NEK6: variants seen among roughly 807,000 people sequenced by gnomAD.
NEK6 encodes NIMA related kinase 6.
NEK6 carries 27 observed loss-of-function variants against 43.5 expected under a neutral mutation model. The ratio of observed to expected loss-of-function variants is 0.62; its 90% CI spans 0.46 to 0.86. NEK6 has a LOEUF of 0.86. Ranked by LOEUF, NEK6 falls within the 40% of genes least tolerant of loss-of-function variation. NEK6 has a pLI of 0.00. For synonymous variants in NEK6, 167 were observed against 164.1 expected, an observed-to-expected ratio of 1.02 and a Z score of -0.14; for missense variants, 318 against 414.4, an observed-to-expected ratio of 0.77 and a Z score of 2.02.
chr9:124,298,355 G>T (rs1400820073), intron 1 of NEK6, among the ~76,000 whole-genome samples: 1 of 152,130 alleles, frequency 6.6e-6, no homozygotes, highest in Non-Finnish European at 1.5e-5. Flanking sequence ...CTCCCTGGAG[G>T]CTAACGGTGC....
chr9:124,285,287 G>A (rs554138228), intron 1 of NEK6, among the ~76,000 whole-genome samples: 1 of 152,302 alleles, frequency 6.6e-6, no homozygotes, highest in South Asian at 2.1e-4. Flanking sequence ...CGCGTTGGTA[G>A]CACCGTTTCC....
chr9:124,297,710 C>CCAAG (rs1220961125), intron 1 of NEK6, among the ~76,000 whole-genome samples: 1 of 152,242 alleles, frequency 6.6e-6, no homozygotes, highest in East Asian at 1.9e-4. Context: ...CTGACTTGGG[C>CCAAG]TTGGCAGCTA....
chr9:124,348,245 G>A (rs748515605), intron 9 of NEK6, among the ~76,000 whole-genome samples: 9 of 152,178 alleles, frequency 5.9e-5, no homozygotes, highest in Non-Finnish European at 7.3e-5. Context: ...AGGAAACTAC[G>A]GCAGGAGGAC....
At chr9:124,265,944 C>T (rs1298863822) in intron 1 of NEK6, 1 of 152,258 alleles carries the variant, frequency 6.6e-6, no homozygotes, top group Non-Finnish European at 1.5e-5. Flanking sequence ...CTGGTGGGGA[C>T]AGAGGCTGTC....
chr9:124,276,508 G>A (rs78138995), intron 1 of NEK6, among the ~76,000 whole-genome samples: 3,466 of 152,270 alleles, frequency 0.023, 113 homozygotes, highest in Non-Finnish European at 0.021. Flanking sequence ...TAATGAGCCC[G>A]TGGTACATCG....
intron 9 of NEK6, among the ~76,000 whole-genome samples, chr9:124,348,112 C>T (rs1213430296): frequency 1.3e-5 from 2 of 152,124 alleles, no homozygotes; most frequent in African/African-American, 4.8e-5. Flanking sequence ...AGTGGGAGGC[C>T]CTCTGCTGCA....
At position 124,326,213 on chromosome 9, in the gene NEK6, C is replaced by CCCCCCCCCCCCCCCCCCCCCCT; in HGVS notation, c.406-117_406-116insCCCCCCCCCCCCCCCCCCCCCT. ...GCTCAGTGGCTCAATCCCCCCCCCC[C>CCCCCCCCCCCCCCCCCCCCCCT]GCCCCTGCCAGGCACCAGTTACCCA... is the stretch of plus-strand genomic sequence containing the variant. On this transcript the variant is annotated intron_variant, in intron 5 of 9. Coordinates refer to ENST00000320246, the MANE Select transcript of NEK6 (RefSeq NM_014397.6). The surrounding 1 kb of genome is among the most constrained non-coding windows in gnomAD (Gnocchi z 4.5). The CCCCCCCCCCCCCCCCCCCCCCT allele has an allele frequency of 5.6e-6, 1 of 178,956 alleles. No individual in the cohort carries two copies. Among genetic ancestry groups the CCCCCCCCCCCCCCCCCCCCCCT allele is most frequent in the Non-Finnish European group, 1.3e-5 (1 of 74,258 alleles). 11.1% of individuals were successfully genotyped at this position (178,956 alleles called of 1,614,324 possible).
intron 4 of NEK6, among the ~76,000 whole-genome samples, chr9:124,315,403 G>A (rs1489620079): frequency 5.3e-5 from 8 of 152,214 alleles, no homozygotes; most frequent in Non-Finnish European, 7.3e-5. Context: ...AAGTCGGGGG[G>A]CCATGGCTGG....
chr9:124,280,826 T>C (rs1297323942), intron 1 of NEK6, among the ~76,000 whole-genome samples: 1 of 152,234 alleles, frequency 6.6e-6, no homozygotes, highest in Non-Finnish European at 1.5e-5. Context: ...AGGGTCTTGC[T>C]CTGTTGCCCA....
chr9:124,341,709 G>C (rs1307981550), intron 8 of NEK6, among the ~76,000 whole-genome samples: 3 of 152,068 alleles, frequency 2.0e-5, no homozygotes, highest in African/African-American at 2.4e-5. Context: ...GGGTGGGTTG[G>C]GGCGGCGAGT....
intron 1 of NEK6, chr9:124,299,957 C>T (rs144518151): frequency 6.6e-6 from 1 of 152,310 alleles, no homozygotes; most frequent in South Asian, 2.1e-4. Flanking sequence ...ATACCATCCA[C>T]TTCCCTGCAG....
At chr9:124,329,396 G>A (rs548170679) in intron 7 of NEK6, among the ~76,000 whole-genome samples, 299 of 152,348 alleles carry the variant, frequency 2.0e-3, no homozygotes, top group African/African-American at 6.9e-3. Flanking sequence ...GGTTAGGATC[G>A]CATCATTAGG....
chr9:124,348,734 C>G (rs1830093493), intron 9 of NEK6, among the ~76,000 whole-genome samples: 1 of 152,222 alleles, frequency 6.6e-6, no homozygotes, highest in South Asian at 2.1e-4. Flanking sequence ...TATTTCTGTT[C>G]AAGGTCAACG....
intron 2 of NEK6, among the ~76,000 whole-genome samples, chr9:124,308,922 C>A (rs937853791): frequency 6.6e-6 from 1 of 152,234 alleles, no homozygotes; most frequent in African/African-American, 2.4e-5. Context: ...GTGGAACTTG[C>A]GGGGAGCTGA....
chr9:124,321,830 A>G (rs1834080443), intron 5 of NEK6, among the ~76,000 whole-genome samples: 1 of 152,184 alleles, frequency 6.6e-6, no homozygotes, highest in Non-Finnish European at 1.5e-5. Flanking sequence ...AAGAGCCCAT[A>G]TGCAAAAGCA....
intron 8 of NEK6, among the ~76,000 whole-genome samples, chr9:124,347,324 A>C (rs1829985897): frequency 6.6e-6 from 1 of 150,892 alleles, no homozygotes; most frequent in Non-Finnish European, 1.5e-5. Flanking sequence ...CTGCCCCTGC[A>C]GGCATCTTGG....
chr9:124,314,998 C>G (rs1283932415), intron 4 of NEK6, among the ~76,000 whole-genome samples: 1 of 152,256 alleles, frequency 6.6e-6, no homozygotes, highest in East Asian at 1.9e-4. Flanking sequence ...CAGTTTCCAG[C>G]AAAGTGGGAC....
rs187916500 is a variant in NEK6 at position 124,322,253 on chromosome 9, A to G, written c.405+684A>G. Among the ~76,000 whole-genome samples the G allele has an allele frequency of 3.3e-3, 496 of 151,952 alleles. 3 individuals carry two copies. The highest frequency in any genetic ancestry group is 0.012 in the Admixed American group (180 of 15,274). On this transcript the variant is annotated intron_variant, in intron 5 of 9. Transcript: ENST00000320246. ...GACACCCAGGCCTGGGGTCTTCAAG[A>G]GATTGAGTGACTGTTCGAGTCACAT...
At chr9:124,281,001 G>C (rs1831878545) in intron 1 of NEK6, among the ~76,000 whole-genome samples, 1 of 152,072 alleles carries the variant, frequency 6.6e-6, no homozygotes, top group South Asian at 2.1e-4. Flanking sequence ...ATGTTGGCCA[G>C]GCTGGTCTCG....
Sources: gnomAD v4.1 joint callset for allele counts (sites outside exome capture counted in the v4.1 genomes callset) on GRCh38, gnomAD v4.1.1 for gene constraint, Gnocchi (gnomAD v3.1) non-coding constraint, MANE v1.5 for transcripts, NCBI Gene and HGNC (gene_info 2026-07-23, HGNC 2026-07-21) for gene names.